ZNF487: variants seen among roughly 807,000 people sequenced by gnomAD.
The protein encoded by ZNF487 is zinc finger protein 487.
A neutral mutation model predicts 3.0 loss-of-function variants in ZNF487; 4 were observed. The ratio of observed to expected loss-of-function variants is 1.35; its 90% CI spans 0.66 to 3.08. The LOEUF is 3.08. Ranked by LOEUF, ZNF487 falls within the 30% of genes most tolerant of loss-of-function variation. The pLI, the probability that ZNF487 is intolerant of heterozygous loss-of-function variation, is 0.01. For synonymous variants in ZNF487, 55 were observed against 34.6 expected, an observed-to-expected ratio of 1.59 and a Z score of -2.06; for missense variants, 146 against 98.7, an observed-to-expected ratio of 1.48 and a Z score of -2.03.
intron 3 of ZNF487, among the ~76,000 whole-genome samples, chr10:43,479,213 C>T (rs1360039756): frequency 3.3e-5 from 5 of 151,452 alleles, no homozygotes; most frequent in Non-Finnish European, 7.4e-5. Context: ...ATTCTTCCAC[C>T]TCTGCCTCCC....
intron 1 of ZNF487, among the ~76,000 whole-genome samples, chr10:43,447,273 C>T (rs536455513): frequency 3.4e-4 from 24 of 69,866 alleles, no homozygotes; most frequent in Admixed American, 6.9e-4. Context: ...GACAGAGTCT[C>T]GCTCTGTTGC....
At chr10:43,513,302 G>A in the ZNF487 span, among the ~76,000 whole-genome samples, 1 of 152,246 alleles carries the variant, frequency 6.6e-6, no homozygotes, top group Non-Finnish European at 1.5e-5. Context: ...GGACAGGAAT[G>A]GAGGAAAAGA....
At chr10:43,439,237 G>A (rs1424721607) in intron 1 of ZNF487, among the ~76,000 whole-genome samples, 1 of 150,752 alleles carries the variant, frequency 6.6e-6, no homozygotes, top group Non-Finnish European at 1.5e-5. Context: ...ACGAGATTCC[G>A]TCTCAAAAAA....
At chr10:43,461,429 C>T (rs893741306) in intron 1 of ZNF487, among the ~76,000 whole-genome samples, 11 of 151,988 alleles carry the variant, frequency 7.2e-5, no homozygotes, top group African/African-American at 2.7e-4. Flanking sequence ...AAGCAATCTT[C>T]TGATCTCAGC....
chr10:43,457,850 G>C (rs970806670), intron 1 of ZNF487, among the ~76,000 whole-genome samples: 1 of 151,884 alleles, frequency 6.6e-6, no homozygotes, highest in Non-Finnish European at 1.5e-5. Flanking sequence ...GTGAAACCCC[G>C]TCTCTACTAA....
intron 1 of ZNF487, among the ~76,000 whole-genome samples, chr10:43,460,739 C>G (rs929543069): frequency 6.6e-6 from 1 of 150,822 alleles, no homozygotes; most frequent in African/African-American, 2.4e-5. Context: ...AATGCCTAGT[C>G]TGGAGTGTAG....
the ZNF487 span, among the ~76,000 whole-genome samples, chr10:43,493,730 A>G: frequency 1.9e-5 from 2 of 106,516 alleles, no homozygotes; most frequent in Non-Finnish European, 3.9e-5. Context: ...ATATATATAT[A>G]TATATATATG....
chr10:43,479,970 C>T (rs374250247), intron 3 of ZNF487, among the ~76,000 whole-genome samples: 759 of 54,172 alleles, frequency 0.014, 16 homozygotes, highest in Middle Eastern at 0.062. Context: ...TTCTTTCTTT[C>T]TTTTCTTTCT....
intron 3 of ZNF487, among the ~76,000 whole-genome samples, chr10:43,480,080 C>T (rs1246227341): frequency 1.5e-5 from 2 of 137,652 alleles, no homozygotes; most frequent in African/African-American, 2.9e-5. Context: ...TTCCTTCCTT[C>T]CTTCTTTCTT....
chr10:43,464,896 G>C (rs1447583512), intron 1 of ZNF487, among the ~76,000 whole-genome samples: 5 of 152,166 alleles, frequency 3.3e-5, no homozygotes. Context: ...ACACCTCCCA[G>C]ACGGGGTGGT....
At chr10:43,440,738 C>T (rs1369099195) in intron 1 of ZNF487, among the ~76,000 whole-genome samples, 1 of 151,764 alleles carries the variant, frequency 6.6e-6, no homozygotes, top group African/African-American at 2.4e-5. Flanking sequence ...ATGGCTCCCT[C>T]CTTTGCCCTA....
chr10:43,482,570 G>A lies in ZNF487; in HGVS notation c.*648G>A, dbSNP rs755564164. On this transcript the variant is annotated 3_prime_UTR_variant, in exon 4 of 4. Transcript: ENST00000437590. ...TACATCAGAGAACACACACAGGAGAGAAACCCTATGGATGTAATGAATGTC... is the reference window on the plus strand; with the variant it reads ...TACATCAGAGAACACACACAGGAGAAAAACCCTATGGATGTAATGAATGTC... 9.8e-6 allele frequency: 5 copies of A among 509,300 alleles called. No homozygotes were observed. In the Admixed American group the frequency reaches 1.0e-4, roughly 11 times the overall value. 31.5% of individuals were successfully genotyped at this position (509,300 alleles called of 1,614,324 possible). A position where few individuals can be genotyped will look rare whatever the true frequency, so the allele number is the denominator to read the frequency against.
intron 3 of ZNF487, among the ~76,000 whole-genome samples, chr10:43,476,843 G>A (rs1554800290): frequency 6.6e-6 from 1 of 152,148 alleles, no homozygotes; most frequent in African/African-American, 2.4e-5. Context: ...GAGACTGCTC[G>A]CTGAGGTGCC....
chr10:43,461,562 C>T (rs1252449130), intron 1 of ZNF487, among the ~76,000 whole-genome samples: 2 of 152,124 alleles, frequency 1.3e-5, no homozygotes, highest in Admixed American at 1.3e-4. Flanking sequence ...CTCAAGTGAT[C>T]CTCCTGTCTT....
intron 1 of ZNF487, chr10:43,451,983 G>A (rs185887883): frequency 1.8e-4 from 27 of 152,364 alleles, no homozygotes; most frequent in African/African-American, 6.0e-4. Flanking sequence ...CTGGCTCTGC[G>A]AGGAGCAGGA....
At chr10:43,481,282 G>C (rs1841345085) in intron 3 of ZNF487, 147 bp from the exon 4 acceptor site, 1 of 570,702 alleles carries the variant, frequency 1.8e-6, no homozygotes, top group Non-Finnish European at 3.0e-6. Context: ...AGTGAGCCAT[G>C]ATCACACCAC....
intron 1 of ZNF487, among the ~76,000 whole-genome samples, chr10:43,438,843 G>T (rs891724080): frequency 6.6e-6 from 1 of 152,204 alleles, no homozygotes; most frequent in Non-Finnish European, 1.5e-5. Flanking sequence ...CACTTTGGGA[G>T]GCCAAGGTGG....
At chr10:43,504,063 G>C in the ZNF487 span, among the ~76,000 whole-genome samples, 2 of 152,110 alleles carry the variant, frequency 1.3e-5, no homozygotes, top group Non-Finnish European at 2.9e-5. Flanking sequence ...TATAGCCTAG[G>C]TGTGTAGTAG....
rs1461980235 is a variant in ZNF487 at position 43,480,015 on chromosome 10, CTTTCTTTCTTTCTTTCTTTCTTTCTTTCT to C, written c.131-1410_131-1382del. Among the ~76,000 whole-genome samples the C allele has an allele frequency of 1.7e-3, 115 of 69,150 alleles. 5 individuals are homozygous for C. The highest frequency in any genetic ancestry group is 3.2e-3 in the Non-Finnish European group (77 of 23,902). The allele number at this position is 69,150 out of a possible 152,430, so 45.4% of individuals were successfully genotyped here. A position where few individuals can be genotyped will look rare whatever the true frequency, so the allele number is the denominator to read the frequency against. ...TCTTTCTTTCTTTCTTTCTTTCTTT[CTTTCTTTCTTTCTTTCTTTCTTTCTTTCT>C]TTTTCTTTCTTTCTTCCTTGCTTCC... is the stretch of plus-strand genomic sequence containing the variant. On this transcript the variant is annotated intron_variant, in intron 3 of 3. Transcript: ENST00000437590.
Sources: allele counts gnomAD v4.1 joint callset (sites outside exome capture counted in the v4.1 genomes callset), GRCh38; gene constraint gnomAD v4.1.1; transcripts MANE v1.5; gene names NCBI Gene and HGNC (gene_info 2026-07-23, HGNC 2026-07-21).